Variants in NLE1 observed in about 807,000 individuals in gnomAD.
NLE1 encodes the protein notchless protein homolog 1.
A neutral mutation model predicts 62.8 loss-of-function variants in NLE1; 37 were observed. That is an observed-to-expected ratio of 0.59 (90% CI 0.45 to 0.78). The LOEUF is 0.78. Ranked by LOEUF, NLE1 falls within the 30% of genes least tolerant of loss-of-function variation. The probability of loss-of-function intolerance (pLI) is 0.00; values close to 1 mark genes in which losing one functional copy is unlikely to be tolerated. For missense variants in NLE1, 555 were observed against 637.9 expected (o/e 0.87, Z 1.40); for synonymous variants, 243 against 253.0 (o/e 0.96, Z 0.37).
chr17:35,129,472 CCT>C lies in NLE1; in HGVS notation c.*2963_*2964del. The C allele has an allele frequency of 6.2e-7, 1 of 1,614,202 alleles. No homozygotes were observed. The highest frequency in any genetic ancestry group is 1.1e-5 in the South Asian group (1 of 91,080). ...AGCAGCCGGTCAGTTTCTACCAGCT[CCT>C]GTTACAGGAGGTGGCCAAGACACAG... On this transcript the variant is annotated 3_prime_UTR_variant, in exon 13 of 13. Coordinates refer to ENST00000442241, the MANE Select transcript of NLE1 (RefSeq NM_018096.5).
In NLE1 at chr17:35,137,090, G is replaced by C. The variant is rs1426071908; in HGVS notation, c.739C>G (p.Gln247Glu). 4 of 1,613,984 alleles carry C rather than the reference G, an allele frequency of 2.5e-6. No homozygotes were observed. Among genetic ancestry groups the C allele is most frequent in the Non-Finnish European group, 2.5e-6 (3 of 1,179,986 alleles). ...CCCCACCGGAGACAGGTGACCGACT[G>C]GGTGTGCCCGGTGAGGATGCGCTCA... is the stretch of plus-strand genomic sequence containing the variant. The part of the protein sequence containing the change: ...RCERILTGHT[Q>E]SVTCLRWGGD... Residue 247 changes from glutamine (Q) to glutamate (E), a missense_variant, in exon 7 of 13, where the codon CAG (glutamine) becomes GAG (glutamate). By Grantham distance (29) the Gln-to-Glu change is conservative. Coordinates refer to ENST00000442241, the MANE Select transcript of NLE1 (RefSeq NM_018096.5).
chr17:35,139,566 T>C (rs183064617), intron 3 of NLE1, among the ~76,000 whole-genome samples: 8 of 152,328 alleles, frequency 5.3e-5, no homozygotes, highest in Middle Eastern at 3.4e-3. Flanking sequence ...GTTTCACAGA[T>C]GAAAAATTAA....
intron 5 of NLE1, 84 bp from the exon 6 acceptor site, chr17:35,137,724 C>T: frequency 1.3e-6 from 1 of 794,622 alleles, no homozygotes; most frequent in Non-Finnish European, 2.0e-6. Context: ...TCCCACCCAA[C>T]CCTCCCCAAA....
chr17:35,133,570 C>T lies in NLE1; in HGVS notation c.1215-72G>A, dbSNP rs1033559045. 2.3e-5 allele frequency: 33 copies of T among 1,415,440 alleles called. No homozygotes were observed. In the Admixed American group the frequency reaches 3.5e-4, roughly 15 times the overall value. 87.7% of individuals were successfully genotyped at this position (1,415,440 alleles called of 1,614,324 possible). On this transcript the variant is annotated intron_variant, in intron 10 of 12. Coordinates refer to ENST00000442241, the MANE Select transcript of NLE1 (RefSeq NM_018096.5). ...TTCAACACGTCTGAAGGGTCCCCTA[C>T]GCTCATGGCAGTGGTTCTCAACCTC...
At chr17:35,134,115 C>T (rs1189159226) in intron 10 of NLE1, among the ~76,000 whole-genome samples, 2 of 152,186 alleles carry the variant, frequency 1.3e-5, no homozygotes, top group Non-Finnish European at 2.9e-5. Context: ...AGCACTGTGC[C>T]TCATCACACC....
intron 9 of NLE1, 30 bp downstream of exon 9, chr17:35,136,139 T>G (rs1020337313): frequency 1.2e-6 from 2 of 1,612,934 alleles, no homozygotes; most frequent in African/African-American, 2.7e-5. Flanking sequence ...GGTACAGAGC[T>G]AGGGGTGCAC....
chr17:35,133,043 GCCT>G, intron 12 of NLE1, 125 bp downstream of exon 12: 2 of 894,488 alleles, frequency 2.2e-6, no homozygotes, highest in Non-Finnish European at 3.6e-6. Flanking sequence ...GGCTCCACAC[GCCT>G]CCTCAAGACA....
At position 35,139,932 on chromosome 17, in the gene NLE1, T is replaced by A. The variant is rs751821874; in HGVS notation, c.297A>T (p.Arg99Ser). 1 of 1,614,190 alleles carries A rather than the reference T, an allele frequency of 6.2e-7. No individual in the cohort carries two copies. Among genetic ancestry groups the A allele is most frequent in the Non-Finnish European group, 8.5e-7 (1 of 1,180,052 alleles). The change falls in exon 3 of 13, where the codon AGA becomes AGT. Residue 99 changes from arginine (R) to serine (S), a missense_variant. Arg to Ser is a moderately radical substitution (Grantham distance 110, BLOSUM62 -1). Coordinates refer to ENST00000442241, the MANE Select transcript of NLE1 (RefSeq NM_018096.5). The part of the protein sequence containing the change: ...DIIYQPQAIF[R>S]VRAVTRCTSS... ...TGGTGCAGCGAGTCACAGCCCGGAC[T>A]CTGAAGATAGCCTGTGGCTGGTAGA...
rs1597887050 is a variant in NLE1 at position 35,132,230 on chromosome 17, C to T, written c.*207G>A. ...TTCAGTGACAACTTCCTGTGACCTTCGATTTCTGGCTCTGGGGTGTGCCAC... is the reference window on the plus strand; with the variant it reads ...TTCAGTGACAACTTCCTGTGACCTTTGATTTCTGGCTCTGGGGTGTGCCAC... On this transcript the variant is annotated 3_prime_UTR_variant, in exon 13 of 13. Coordinates refer to ENST00000442241, the MANE Select transcript of NLE1 (RefSeq NM_018096.5). 5.1e-6 allele frequency: 2 copies of T among 393,712 alleles called. No individual in the cohort carries two copies. Among genetic ancestry groups the T allele is most frequent in the Admixed American group, 4.6e-5 (1 of 21,910 alleles). 24.4% of individuals were successfully genotyped at this position (393,712 alleles called of 1,614,324 possible). A position where few individuals can be genotyped will look rare whatever the true frequency, so the allele number is the denominator to read the frequency against.
chr17:35,139,120 A>T, intron 4 of NLE1, 115 bp downstream of exon 4: 1 of 836,296 alleles, frequency 1.2e-6, no homozygotes, highest in Non-Finnish European at 1.9e-6. Flanking sequence ...TCAAGGCTTG[A>T]GCCCAGGAGT....
chr17:35,132,443 C>T lies in NLE1; in HGVS notation c.1452G>A (p.Arg484=), dbSNP rs766193146. 1 of 1,422,372 alleles carries T rather than the reference C, an allele frequency of 7.0e-7. No homozygotes were observed. The highest frequency in any genetic ancestry group is 1.7e-5 in the South Asian group (1 of 59,510). The allele number at this position is 1,422,372 out of a possible 1,614,324, so 88.1% of individuals were successfully genotyped here. The change falls in exon 13 of 13, where the codon AGG becomes AGA. Residue 484 remains arginine (R), a synonymous_variant. Transcript: ENST00000442241. ...GAGAGAACTTCGGGCCGTCTCATCTCCTCCATCTGTGGAGAAGGGAAGGGT... is the reference window on the plus strand; with the variant it reads ...GAGAGAACTTCGGGCCGTCTCATCTTCTCCATCTGTGGAGAAGGGAAGGGT... ...GGKDKCLRIW[R]R is the part of the protein sequence containing the mutation.
Position 35,137,578 on chromosome 17 carries a change from CT to C in NLE1, c.599del (p.Lys200SerfsTer6), listed in dbSNP as rs759855722. ...QVGRTLAGHS[K>X]WITGLSWEPL... The stretch of plus-strand genomic sequence containing the variant: ...GCTCCCAGCTCAGGCCTGTGATCCA[CT>C]TGCTGTGGCCAGCGAGGGTCCTGCC... On this transcript the variant is annotated frameshift_variant, in exon 6 of 13. Coordinates refer to ENST00000442241, the MANE Select transcript of NLE1 (RefSeq NM_018096.5). LOFTEE classifies it high-confidence loss of function. The C allele has an allele frequency of 6.2e-7, 1 of 1,610,642 alleles. No homozygotes were observed. Among genetic ancestry groups the C allele is most frequent in the Non-Finnish European group, 8.5e-7 (1 of 1,179,986 alleles).
Position 35,130,048 on chromosome 17 carries a change from G to C in NLE1, c.*2389C>G. 7.1e-7 allele frequency: 1 copy of C among 1,406,500 alleles called. No individual in the cohort carries two copies. Among genetic ancestry groups the C allele is most frequent in the East Asian group, 2.6e-5 (1 of 38,252 alleles). The allele number at this position is 1,406,500 out of a possible 1,614,324, so 87.1% of individuals were successfully genotyped here. A position where few individuals can be genotyped will look rare whatever the true frequency, so the allele number is the denominator to read the frequency against. ...CAGCCTGGGTATGGGGTAGGGGTAT[G>C]GGGGTATAGAGGCCTGAGTACAGAC... On this transcript the variant is annotated 3_prime_UTR_variant, in exon 13 of 13. Transcript: ENST00000442241.
rs1471615 is a variant in NLE1 at position 35,142,260 on chromosome 17, G to C, written c.16C>G (p.Pro6Ala). Reference protein sequence around the residue: MAAAVPDEAVARDVQR... With the variant: MAAAVADEAVARDVQR... Reference sequence around the variant, plus strand: ...CGCCCCCATCCACGCACACCCACCGGCACTGCTGCCGCCATCCTGCGTCCC... The same window carrying C: ...CGCCCCCATCCACGCACACCCACCGCCACTGCTGCCGCCATCCTGCGTCCC... The change falls in exon 1 of 13, where the codon CCG (proline) becomes GCG (alanine). Residue 6 changes from proline to alanine, a missense_variant and splice_region_variant. Pro to Ala is a conservative substitution (Grantham distance 27, BLOSUM62 -1). Transcript: ENST00000442241. 1,516,584 of 1,545,654 alleles carry C rather than the reference G, an allele frequency of 0.98. 744,135 individuals carry two copies. Among genetic ancestry groups the C allele is most frequent in the East Asian group, 1 (41,035 of 41,036 alleles).
Position 35,129,181 on chromosome 17 carries a change from T to TCATTAA in NLE1, c.*3255_*3256insTTAATG. On this transcript the variant is annotated 3_prime_UTR_variant, in exon 13 of 13. Transcript: ENST00000442241. ...CCAAGGGTTGAGGACCCCTGGCGTA[T>TCATTAA]AAGAAATATGGAATGAGGGTGTACC... The TCATTAA allele has an allele frequency of 2.1e-6, 1 of 480,946 alleles. No homozygotes were observed. Among genetic ancestry groups the TCATTAA allele is most frequent in the Non-Finnish European group, 3.8e-6 (1 of 265,062 alleles). 29.8% of individuals were successfully genotyped at this position (480,946 alleles called of 1,614,324 possible).
At chr17:35,136,851 ACTC>A (rs1567745692) in intron 7 of NLE1, 147 bp downstream of exon 7, 1 of 762,832 alleles carries the variant, frequency 1.3e-6, no homozygotes. Context: ...CAACCACAGA[ACTC>A]CTCATTCCCA....
intron 9 of NLE1, 56 bp from the exon 10 acceptor site, chr17:35,135,507 G>C: frequency 6.5e-7 from 1 of 1,544,504 alleles, no homozygotes; most frequent in Non-Finnish European, 8.9e-7. Context: ...GAAGGAGGAG[G>C]GCCCGACTTT....
chr17:35,134,483 T>G (rs1407032377), intron 10 of NLE1, among the ~76,000 whole-genome samples: 1 of 152,042 alleles, frequency 6.6e-6, no homozygotes, highest in African/African-American at 2.4e-5. Flanking sequence ...CACTGCAACC[T>G]TTGCCTCCCA....
At chr17:35,135,029 T>A (rs1156449459) in intron 10 of NLE1, 5 of 644,896 alleles carry the variant, frequency 7.8e-6, no homozygotes, top group Non-Finnish European at 1.4e-5. Context: ...TCGAGCCACT[T>A]GAACACCAGG....
Sources: allele counts gnomAD v4.1 joint callset (sites outside exome capture counted in the v4.1 genomes callset), GRCh38; gene constraint gnomAD v4.1.1; transcripts MANE v1.5; gene names NCBI Gene and HGNC (gene_info 2026-07-23, HGNC 2026-07-21).